NBEA: variants seen among roughly 807,000 people sequenced by gnomAD.
NBEA encodes lysosomal-trafficking regulator 2.
NBEA carries 44 observed loss-of-function variants against 343.4 expected under a neutral mutation model. The observed-to-expected ratio is 0.13, with a 90% CI of 0.10 to 0.16. The LOEUF (loss-of-function observed/expected upper bound fraction) is 0.16. NBEA is among the 10% of genes least tolerant of loss of function. The pLI is 1.00. For synonymous variants in NBEA, 1,175 were observed against 1,238.7 expected, an observed-to-expected ratio of 0.95 and a Z score of 1.08; for missense variants, 2,555 against 3,631.3, an observed-to-expected ratio of 0.70 and a Z score of 7.62.
At chr13:35,418,025 G>T (rs2152921634) in intron 38 of NBEA, among the ~76,000 whole-genome samples, 1 of 152,166 alleles carries the variant, frequency 6.6e-6, no homozygotes, top group African/African-American at 2.4e-5. Context: ...GATCTTTGTT[G>T]GTTTAAAGTC....
intron 1 of NBEA, among the ~76,000 whole-genome samples, chr13:34,973,256 CT>C (rs2060057088): frequency 6.6e-6 from 1 of 151,984 alleles, no homozygotes; most frequent in Non-Finnish European, 1.5e-5. Context: ...ACTGGCAGGT[CT>C]TGCCCAGTCA....
At chr13:35,604,192 A>C (rs1377173870) in intron 47 of NBEA, among the ~76,000 whole-genome samples, 2 of 152,190 alleles carry the variant, frequency 1.3e-5, no homozygotes, top group African/African-American at 4.8e-5. Context: ...CTTATCCTTC[A>C]ATTAAACTGT....
chr13:34,973,962 T>C (rs2060082876), intron 1 of NBEA, among the ~76,000 whole-genome samples: 1 of 152,160 alleles, frequency 6.6e-6, no homozygotes, highest in African/African-American at 2.4e-5. Context: ...CTGCTGAGAC[T>C]CCACACAGCT....
In NBEA at chr13:35,066,591, C is replaced by T. The variant is rs190497800; in HGVS notation, c.1240-3317C>T. ...ATCTTGTTTTAAAGTCTATTTTGTC[C>T]GATATTAGCACAGCCATTCCAGCTT... On this transcript the variant is annotated intron_variant, in intron 8 of 58. Coordinates refer to ENST00000379939, the MANE Select transcript of NBEA (RefSeq NM_001385012.1). 2.7e-3 allele frequency among the ~76,000 whole-genome samples: 412 copies of T among 151,742 alleles called. 8 individuals are homozygous for T. The South Asian group carries it at 0.045, about 17-fold the overall frequency.
chr13:35,424,180 C>A (rs1594585100), intron 38 of NBEA, among the ~76,000 whole-genome samples: 1 of 152,082 alleles, frequency 6.6e-6, no homozygotes, highest in Non-Finnish European at 1.5e-5. Flanking sequence ...GAACTTCCAA[C>A]ACATTGTTGA....
At chr13:35,335,325 G>T (rs1447479434) in intron 36 of NBEA, among the ~76,000 whole-genome samples, 1 of 152,084 alleles carries the variant, frequency 6.6e-6, no homozygotes, top group Non-Finnish European at 1.5e-5. Context: ...GCTATTCTGG[G>T]TCTTTGGTGA....
rs80068444 is a variant in NBEA at position 35,401,400 on chromosome 13, G to A, written c.6180-30869G>A. Reference sequence around the variant, plus strand: ...ACACATTACAAAGTATAAATCAAAGGGCTATCAATAAGTGTTACTTAAATA... The same window carrying A: ...ACACATTACAAAGTATAAATCAAAGAGCTATCAATAAGTGTTACTTAAATA... On this transcript the variant is annotated intron_variant, in intron 38 of 58. Transcript: ENST00000379939. 7.0e-3 allele frequency among the ~76,000 whole-genome samples: 1,065 copies of A among 151,956 alleles called. 19 individuals carry two copies. Among genetic ancestry groups the A allele is most frequent in the African/African-American group, 0.024 (998 of 41,486 alleles).
At chr13:35,189,388 T>C (rs2072001463) in intron 30 of NBEA, among the ~76,000 whole-genome samples, 1 of 152,162 alleles carries the variant, frequency 6.6e-6, no homozygotes, top group Non-Finnish European at 1.5e-5. Flanking sequence ...TTGGGTTATT[T>C]GTTTTGTTGC....
At chr13:35,064,547 C>T (rs2063581212) in intron 8 of NBEA, among the ~76,000 whole-genome samples, 1 of 151,954 alleles carries the variant, frequency 6.6e-6, no homozygotes, top group African/African-American at 2.4e-5. Flanking sequence ...TCTTCATTCT[C>T]CATCTTGCCA....
chr13:35,332,285 C>T (rs986259127), intron 36 of NBEA, among the ~76,000 whole-genome samples: 1 of 151,902 alleles, frequency 6.6e-6, no homozygotes, highest in Non-Finnish European at 1.5e-5. Context: ...GGAGAGGTCT[C>T]TTAGCTCTAT....
At chr13:35,047,013 A>G (rs943948295) in intron 4 of NBEA, among the ~76,000 whole-genome samples, 2 of 152,118 alleles carry the variant, frequency 1.3e-5, no homozygotes, top group African/African-American at 2.4e-5. Context: ...AGTTCATTAT[A>G]TATTTGGAAT....
Position 35,487,547 on chromosome 13 carries a change from T to C in NBEA, c.6585+15011T>C, listed in dbSNP as rs73169790. On this transcript the variant is annotated intron_variant, in intron 41 of 58. Coordinates refer to ENST00000379939, the MANE Select transcript of NBEA (RefSeq NM_001385012.1). ...ATCTTCTCTACACCATTACCAGCCA[T>C]GGTAACAACCATAGCCAGAGGTGGT... is the stretch of plus-strand genomic sequence containing the variant. Among the ~76,000 whole-genome samples, 1,465 of 152,008 alleles carry C rather than the reference T, an allele frequency of 9.6e-3. 8 individuals carry two copies. The highest frequency in any genetic ancestry group is 0.014 in the Non-Finnish European group (961 of 67,894).
chr13:35,380,618 A>G lies in NBEA; in HGVS notation c.6179+28295A>G, dbSNP rs555706288. On this transcript the variant is annotated intron_variant, in intron 38 of 58. Transcript: ENST00000379939. ...ACTGATAAAGAATTTGTTTTCCTGCATATACTTTTATCTAATAACCTTGCC... is the reference window on the plus strand; with the variant it reads ...ACTGATAAAGAATTTGTTTTCCTGCGTATACTTTTATCTAATAACCTTGCC... Among the ~76,000 whole-genome samples, 8 of 152,252 alleles carry G rather than the reference A, an allele frequency of 5.3e-5. No individual in the cohort carries two copies. In the South Asian group the frequency reaches 6.2e-4, roughly 12 times the overall value.
intron 1 of NBEA, among the ~76,000 whole-genome samples, chr13:35,004,837 G>A (rs2061263816): frequency 6.6e-6 from 1 of 152,106 alleles, no homozygotes; most frequent in African/African-American, 2.4e-5. Context: ...CATCGAAAAG[G>A]ATATTAATAG....
chr13:35,621,265 G>T (rs986224883), intron 48 of NBEA, among the ~76,000 whole-genome samples: 1 of 152,072 alleles, frequency 6.6e-6, no homozygotes, highest in Non-Finnish European at 1.5e-5. Flanking sequence ...AGCATCCCAG[G>T]GCCTAGAACA....
At chr13:35,139,700 G>C (rs1260004368) in intron 17 of NBEA, among the ~76,000 whole-genome samples, 1 of 142,460 alleles carries the variant, frequency 7.0e-6, no homozygotes, top group South Asian at 2.3e-4. Flanking sequence ...ATCATGTGAT[G>C]TACAGGGCCA....
At chr13:35,518,732 C>T (rs1454001206) in intron 41 of NBEA, among the ~76,000 whole-genome samples, 2 of 152,012 alleles carry the variant, frequency 1.3e-5, no homozygotes, top group African/African-American at 4.8e-5. Flanking sequence ...ACATGGTTGC[C>T]CTACTTGCTA....
chr13:34,959,921 TAAG>T (rs1040319546), intron 1 of NBEA, among the ~76,000 whole-genome samples: 1 of 152,172 alleles, frequency 6.6e-6, no homozygotes, highest in Admixed American at 6.6e-5. Context: ...TACTTGATAA[TAAG>T]CAGCTATGTT....
chr13:35,135,725 G>A (rs1396199819), intron 17 of NBEA, among the ~76,000 whole-genome samples: 1 of 151,794 alleles, frequency 6.6e-6, no homozygotes, highest in East Asian at 1.9e-4. Context: ...CTTAAAGAAG[G>A]GGTGTAGAAT....
Sources: allele counts gnomAD v4.1 joint callset (sites outside exome capture counted in the v4.1 genomes callset), GRCh38; gene constraint gnomAD v4.1.1; transcripts MANE v1.5; gene names NCBI Gene and HGNC (gene_info 2026-07-23, HGNC 2026-07-21).